GABRG3: variants seen among roughly 807,000 people sequenced by gnomAD.
The protein encoded by GABRG3 is gamma-aminobutyric acid receptor subunit gamma-3.
Under a neutral mutation model 48.8 loss-of-function variants are expected in GABRG3, and 25 were observed. The ratio of observed to expected loss-of-function variants is 0.51; its 90% CI spans 0.37 to 0.72. The LOEUF is 0.72. Among genes scored for constraint, GABRG3 ranks in the 30% least tolerant of loss-of-function variants. The pLI is 0.00. For synonymous variants in GABRG3, 227 were observed against 217.6 expected, an observed-to-expected ratio of 1.04 and a Z score of -0.38; for missense variants, 394 against 577.9, an observed-to-expected ratio of 0.68 and a Z score of 3.26.
At chr15:27,472,940 T>C (rs1889829849) in intron 5 of GABRG3, among the ~76,000 whole-genome samples, 1 of 152,228 alleles carries the variant, frequency 6.6e-6, no homozygotes, top group African/African-American at 2.4e-5. Flanking sequence ...ATTATACTCA[T>C]GAATTTCTAC....
chr15:27,078,480 A>G (rs1031914036), intron 3 of GABRG3, among the ~76,000 whole-genome samples: 1 of 152,226 alleles, frequency 6.6e-6, no homozygotes, highest in Non-Finnish European at 1.5e-5. Flanking sequence ...CTTTTTATGA[A>G]AGGAAAAACA....
intron 3 of GABRG3, among the ~76,000 whole-genome samples, chr15:27,204,849 T>C (rs1162186257): frequency 6.6e-6 from 1 of 152,144 alleles, no homozygotes; most frequent in Non-Finnish European, 1.5e-5. Flanking sequence ...ATGAGTGTTA[T>C]TGGTGTGTAG....
At chr15:27,399,838 G>A (rs1180208931) in intron 5 of GABRG3, among the ~76,000 whole-genome samples, 3 of 152,074 alleles carry the variant, frequency 2.0e-5, no homozygotes, top group Non-Finnish European at 2.9e-5. Context: ...AGAAAAGATC[G>A]GCGTTGAATC....
At chr15:27,482,281 T>TA (rs917938774) in intron 6 of GABRG3, among the ~76,000 whole-genome samples, 1 of 152,122 alleles carries the variant, frequency 6.6e-6, no homozygotes, top group African/African-American at 2.4e-5. Context: ...CTTTGGATAA[T>TA]AAAAAAATTC....
chr15:27,403,861 G>A (rs1454440964), intron 5 of GABRG3, among the ~76,000 whole-genome samples: 1 of 138,602 alleles, frequency 7.2e-6, no homozygotes, highest in Non-Finnish European at 1.5e-5. Context: ...GCAGTGAGCC[G>A]AGATCGCACC....
chr15:27,004,032 A>AC (rs1895522995), intron 2 of GABRG3, among the ~76,000 whole-genome samples: 1 of 136,410 alleles, frequency 7.3e-6, no homozygotes, highest in Non-Finnish European at 1.6e-5. Flanking sequence ...CGGGGGGCTG[A>AC]ACCCCCAACT....
At chr15:27,118,434 G>C (rs888170462) in intron 3 of GABRG3, among the ~76,000 whole-genome samples, 1 of 152,154 alleles carries the variant, frequency 6.6e-6, no homozygotes, top group African/African-American at 2.4e-5. Flanking sequence ...TTCTGATATT[G>C]CAAAAAGAAC....
At position 27,307,044 on chromosome 15, in the gene GABRG3, C is replaced by T. The variant is rs1425357984; in HGVS notation, c.271-19765C>T. Among the ~76,000 whole-genome samples the T allele has an allele frequency of 2.6e-5, 3 of 114,160 alleles. 1 individual carries two copies. Among genetic ancestry groups the T allele is most frequent in the Non-Finnish European group, 5.1e-5 (3 of 59,076 alleles). The allele number at this position is 114,160 out of a possible 152,430, so 74.9% of individuals were successfully genotyped here. A position where few individuals can be genotyped will look rare whatever the true frequency, so the allele number is the denominator to read the frequency against. On this transcript the variant is annotated intron_variant, in intron 3 of 9. Coordinates refer to ENST00000615808, the MANE Select transcript of GABRG3 (RefSeq NM_033223.5). ...TATATATAAACATGTATAAAATAAA[C>T]ATGTTTATATATAAACATGTATAAT...
At chr15:27,299,811 G>C (rs1892133130) in intron 3 of GABRG3, among the ~76,000 whole-genome samples, 1 of 152,138 alleles carries the variant, frequency 6.6e-6, no homozygotes, top group Non-Finnish European at 1.5e-5. Flanking sequence ...GTGACAGAGA[G>C]GGGGTAACCA....
At chr15:27,476,704 A>G (rs1889949620) in intron 5 of GABRG3, among the ~76,000 whole-genome samples, 1 of 152,248 alleles carries the variant, frequency 6.6e-6, no homozygotes, top group Non-Finnish European at 1.5e-5. Context: ...AAGAATGCCA[A>G]CAAACACATA....
intron 5 of GABRG3, among the ~76,000 whole-genome samples, chr15:27,414,721 T>C (rs1887892952): frequency 6.6e-6 from 1 of 152,196 alleles, no homozygotes; most frequent in Admixed American, 6.5e-5. Context: ...TCATGTCCCA[T>C]GTCAGAGACT....
rs200063105 is a variant in GABRG3, at chr15:27,455,770, ATGTG to A, written c.575-24873_575-24870del. 4.0e-4 allele frequency among the ~76,000 whole-genome samples: 58 copies of A among 145,970 alleles called. No homozygotes were observed. In the East Asian group the frequency reaches 9.8e-3, roughly 25 times the overall value. On this transcript the variant is annotated intron_variant, in intron 5 of 9. Coordinates refer to ENST00000615808, the MANE Select transcript of GABRG3 (RefSeq NM_033223.5). ...TGTGTGTGTGGTGTGTATGTGTGCT[ATGTG>A]TGTGTGCATTTGTATATATGTGCAT...
intron 6 of GABRG3, among the ~76,000 whole-genome samples, chr15:27,495,413 T>C (rs1020633753): frequency 6.6e-6 from 1 of 152,246 alleles, no homozygotes; most frequent in African/African-American, 2.4e-5. Context: ...CTATTGTGAA[T>C]GATGCTGTTG....
chr15:27,267,180 C>T (rs570725665), intron 3 of GABRG3, among the ~76,000 whole-genome samples: 17 of 150,254 alleles, frequency 1.1e-4, no homozygotes, highest in African/African-American at 2.7e-4. Context: ...GATCTTGGCC[C>T]GCTGCAACCT....
At chr15:27,280,450 T>C (rs1891398598) in intron 3 of GABRG3, 1 of 152,212 alleles carries the variant, frequency 6.6e-6, no homozygotes. Flanking sequence ...TGTTTTTTAG[T>C]GTGAACATTT....
At chr15:27,205,421 G>T (rs576294261) in intron 3 of GABRG3, among the ~76,000 whole-genome samples, 1 of 152,204 alleles carries the variant, frequency 6.6e-6, no homozygotes, top group South Asian at 2.1e-4. Flanking sequence ...GATTGTAGAG[G>T]ATTAGCTTTT....
chr15:26,992,054 A>G (rs1895259603), intron 2 of GABRG3, among the ~76,000 whole-genome samples: 1 of 152,192 alleles, frequency 6.6e-6, no homozygotes, highest in South Asian at 2.1e-4. Flanking sequence ...CTTGGCATAT[A>G]GAGATGTGAC....
intron 5 of GABRG3, among the ~76,000 whole-genome samples, chr15:27,345,459 C>A (rs1407229778): frequency 6.6e-6 from 1 of 151,878 alleles, no homozygotes; most frequent in Non-Finnish European, 1.5e-5. Flanking sequence ...AGTACAGAAA[C>A]CTGGATAGAG....
intron 5 of GABRG3, among the ~76,000 whole-genome samples, chr15:27,350,967 GTGTT>G (rs1017789793): frequency 7.3e-5 from 11 of 151,620 alleles, no homozygotes; most frequent in Admixed American, 1.3e-4. Context: ...CATATGGTGT[GTGTT>G]TGTGTGTGTA....
Sources: allele counts gnomAD v4.1 joint callset (sites outside exome capture counted in the v4.1 genomes callset), GRCh38; gene constraint gnomAD v4.1.1; transcripts MANE v1.5; gene names NCBI Gene and HGNC (gene_info 2026-07-23, HGNC 2026-07-21).